Variants in MPP7 observed in about 807,000 individuals in gnomAD.
The protein encoded by MPP7 is MAGUK p55 scaffold protein 7, also known as MAGUK p55 subfamily member 7.
MPP7 carries 60 observed loss-of-function variants against 76.5 expected under a neutral mutation model. That is an observed-to-expected ratio of 0.78 (90% CI 0.64 to 0.97). The LOEUF is 0.97. MPP7 is among the 50% of genes least tolerant of loss of function. The pLI, the probability that MPP7 is intolerant of heterozygous loss-of-function variation, is 0.00. For synonymous variants in MPP7, 237 were observed against 244.5 expected (o/e 0.97, Z 0.29); for missense variants, 641 against 694.0 (o/e 0.92, Z 0.86).
intron 12 of MPP7, among the ~76,000 whole-genome samples, chr10:28,085,943 G>T (rs1368244976): frequency 1.3e-5 from 2 of 152,162 alleles, no homozygotes. Context: ...TATACACCAT[G>T]GAATACTATG....
intron 12 of MPP7, among the ~76,000 whole-genome samples, chr10:28,074,736 T>A (rs1030775375): frequency 1.3e-5 from 2 of 152,182 alleles, no homozygotes; most frequent in Non-Finnish European, 1.5e-5. Context: ...CTTACCTTAA[T>A]ACAACAAGAA....
chr10:28,237,715 G>GATATTCAA (rs1839124725), intron 2 of MPP7, among the ~76,000 whole-genome samples: 1 of 152,128 alleles, frequency 6.6e-6, no homozygotes, highest in East Asian at 1.9e-4. Context: ...ATTCAGGATG[G>GATATTCAA]CCCATATAAA....
intron 2 of MPP7, among the ~76,000 whole-genome samples, chr10:28,209,027 A>G (rs1288151456): frequency 6.6e-6 from 1 of 151,726 alleles, no homozygotes; most frequent in African/African-American, 2.4e-5. Context: ...CTTTGCCCCT[A>G]CTTTCACCAT....
chr10:28,240,926 G>A (rs1839247415), intron 1 of MPP7, among the ~76,000 whole-genome samples: 1 of 152,048 alleles, frequency 6.6e-6, no homozygotes, highest in Admixed American at 6.6e-5. Context: ...ATATATGCAT[G>A]TATGTTTGTG....
chr10:28,286,499 A>C (rs1224888056), intron 1 of MPP7, among the ~76,000 whole-genome samples: 5 of 152,236 alleles, frequency 3.3e-5, no homozygotes, highest in African/African-American at 7.2e-5. Context: ...AGCAAAGAAG[A>C]AGCTGGATGC....
At chr10:28,066,111 A>G (rs1851979510) in intron 13 of MPP7, among the ~76,000 whole-genome samples, 1 of 152,156 alleles carries the variant, frequency 6.6e-6, no homozygotes, top group Non-Finnish European at 1.5e-5. Context: ...TCACAACTAT[A>G]ATCTCAGCAC....
chr10:28,169,563 T>C (rs1836609146), intron 3 of MPP7, among the ~76,000 whole-genome samples: 1 of 152,206 alleles, frequency 6.6e-6, no homozygotes, highest in African/African-American at 2.4e-5. Context: ...ATCTTTACAA[T>C]ACTGAGTCTC....
chr10:28,147,933 C>CA (rs1244935418), intron 4 of MPP7, among the ~76,000 whole-genome samples: 1 of 152,276 alleles, frequency 6.6e-6, no homozygotes, highest in East Asian at 1.9e-4. Flanking sequence ...CCAACCCCCA[C>CA]AAAAACAGAG....
chr10:28,091,527 A>G (rs971389952), intron 11 of MPP7, among the ~76,000 whole-genome samples: 2 of 152,170 alleles, frequency 1.3e-5, no homozygotes, highest in African/African-American at 4.8e-5. Context: ...ACCTCAGGTA[A>G]TCCGCCCTTC....
intron 3 of MPP7, among the ~76,000 whole-genome samples, chr10:28,170,076 T>C (rs1836628436): frequency 6.6e-6 from 1 of 152,308 alleles, no homozygotes; most frequent in East Asian, 1.9e-4. Flanking sequence ...TCCATAAGTT[T>C]CCTCCTTTTC....
chr10:28,096,815 G>A (rs377147948), intron 11 of MPP7, among the ~76,000 whole-genome samples: 13 of 152,132 alleles, frequency 8.5e-5, no homozygotes, highest in African/African-American at 3.1e-4. Flanking sequence ...CCTGGGAAGT[G>A]TGGCTGTAAC....
chr10:28,310,602 C>T (rs1048132636), intron 2 of MPP7, among the ~76,000 whole-genome samples: 2 of 152,088 alleles, frequency 1.3e-5, no homozygotes, highest in Admixed American at 6.6e-5. Flanking sequence ...TTCCTTATAC[C>T]ATTAATTTGC....
At chr10:28,135,428 T>G (rs1158024280) in intron 5 of MPP7, among the ~76,000 whole-genome samples, 2 of 152,120 alleles carry the variant, frequency 1.3e-5, no homozygotes, top group Non-Finnish European at 2.9e-5. Context: ...ATTGGCAATA[T>G]CTGGAGACAA....
chr10:28,106,813 T>C (rs1290524980), intron 11 of MPP7, among the ~76,000 whole-genome samples: 1 of 152,206 alleles, frequency 6.6e-6, no homozygotes, highest in Admixed American at 6.5e-5. Context: ...ATGTTATCAG[T>C]GATTCCGCGT....
intron 5 of MPP7, among the ~76,000 whole-genome samples, chr10:28,141,901 A>G (rs963265452): frequency 1.3e-4 from 20 of 152,178 alleles, no homozygotes; most frequent in Admixed American, 2.0e-4. Flanking sequence ...AACAGCAATC[A>G]AACCAAGAGT....
chr10:28,082,878 T>C (rs1044772915), intron 12 of MPP7, among the ~76,000 whole-genome samples: 6 of 152,202 alleles, frequency 3.9e-5, no homozygotes, highest in Non-Finnish European at 7.3e-5. Flanking sequence ...ACCACAGGCA[T>C]GCACCACTAT....
At chr10:28,245,243 A>T (rs1424703794) in intron 1 of MPP7, among the ~76,000 whole-genome samples, 1 of 152,164 alleles carries the variant, frequency 6.6e-6, no homozygotes. Context: ...TTTCAGATTC[A>T]TCTCAGCATT....
At chr10:28,274,161 G>A (rs1249355814) in intron 1 of MPP7, among the ~76,000 whole-genome samples, 2 of 144,030 alleles carry the variant, frequency 1.4e-5, no homozygotes, top group African/African-American at 5.3e-5. Context: ...GGAGTGCAGT[G>A]GCGCAGTCTC....
intron 2 of MPP7, among the ~76,000 whole-genome samples, chr10:28,228,077 G>C (rs1838756713): frequency 6.6e-6 from 1 of 152,140 alleles, no homozygotes; most frequent in South Asian, 2.1e-4. Flanking sequence ...GTATGAATAT[G>C]ATCAAATCAA....
Sources: allele counts gnomAD v4.1 joint callset (sites outside exome capture counted in the v4.1 genomes callset), GRCh38; gene constraint gnomAD v4.1.1; transcripts MANE v1.5; gene names NCBI Gene and HGNC (gene_info 2026-07-23, HGNC 2026-07-21).